Variants in CSMD1 observed in about 807,000 individuals in gnomAD.
CSMD1 encodes the protein CUB and sushi domain-containing protein 1.
A neutral mutation model predicts 417.5 loss-of-function variants in CSMD1; 213 were observed. That is an observed-to-expected ratio of 0.51 (90% CI 0.46 to 0.57). The LOEUF (loss-of-function observed/expected upper bound fraction) is 0.57, where lower values mean the gene tolerates loss of function less well. Ranked by LOEUF, CSMD1 falls within the 20% of genes least tolerant of loss-of-function variation. CSMD1 has a pLI of 0.00. For missense variants in CSMD1, 6,923 were observed against 4,529.7 expected, an observed-to-expected ratio of 1.53 and a Z score of -15.17; for synonymous variants, 2,862 against 1,736.8, an observed-to-expected ratio of 1.65 and a Z score of -16.11.
At chr8:3,119,190 A>T (rs955077729) in intron 41 of CSMD1, among the ~76,000 whole-genome samples, 5 of 152,036 alleles carry the variant, frequency 3.3e-5, no homozygotes, top group Non-Finnish European at 7.4e-5. Flanking sequence ...CCGCCCCAAA[A>T]AAAAGGAAAT....
intron 54 of CSMD1, among the ~76,000 whole-genome samples, chr8:2,982,552 T>A (rs2128940550): frequency 6.6e-6 from 1 of 152,266 alleles, no homozygotes; most frequent in African/African-American, 2.4e-5. Flanking sequence ...GGTGAATTAT[T>A]TGAGCAGTTT....
chr8:3,264,986 A>T (rs1294072231), intron 26 of CSMD1, among the ~76,000 whole-genome samples: 6 of 152,126 alleles, frequency 3.9e-5, no homozygotes, highest in Non-Finnish European at 8.8e-5. Context: ...CAGGGTCTGC[A>T]CCCCAGCTGT....
At chr8:4,497,813 G>A (rs1463126424) in intron 2 of CSMD1, among the ~76,000 whole-genome samples, 4 of 152,238 alleles carry the variant, frequency 2.6e-5, no homozygotes, top group Non-Finnish European at 5.9e-5. Context: ...AGCAAGCACA[G>A]CTGTCCAGAA....
chr8:3,654,913 G>T (rs897677676), intron 7 of CSMD1, among the ~76,000 whole-genome samples: 1 of 152,174 alleles, frequency 6.6e-6, no homozygotes, highest in South Asian at 2.1e-4. Context: ...CCACACAGTT[G>T]AGCCAGGGAG....
intron 3 of CSMD1, among the ~76,000 whole-genome samples, chr8:4,266,692 TTA>T (rs1370298894): frequency 9.5e-6 from 1 of 104,954 alleles, no homozygotes; most frequent in African/African-American, 2.6e-5. Context: ...TATCAAAGAA[TTA>T]TACTTAGTTT....
intron 23 of CSMD1, among the ~76,000 whole-genome samples, chr8:3,332,932 G>A (rs960253282): frequency 3.3e-5 from 5 of 152,192 alleles, no homozygotes; most frequent in Admixed American, 6.5e-5. Flanking sequence ...CTGTTCTGTC[G>A]ATGCTGAGTT....
chr8:4,650,722 A>G (rs1156861396), intron 1 of CSMD1, among the ~76,000 whole-genome samples: 1 of 151,060 alleles, frequency 6.6e-6, no homozygotes, highest in African/African-American at 2.4e-5. Flanking sequence ...ATTTCTAATT[A>G]GAGATTTGAG....
At chr8:4,151,931 T>A (rs1459649356) in intron 3 of CSMD1, among the ~76,000 whole-genome samples, 2 of 152,196 alleles carry the variant, frequency 1.3e-5, no homozygotes, top group East Asian at 3.9e-4. Context: ...GAGATAAGTT[T>A]TGCCTGCATA....
At chr8:3,894,536 G>T in intron 5 of CSMD1, among the ~76,000 whole-genome samples, 1 of 152,094 alleles carries the variant, frequency 6.6e-6, no homozygotes, top group East Asian at 1.9e-4. Context: ...TCCTATGATA[G>T]ATTCCTCAAA....
At chr8:3,261,763 C>T (rs1801075737) in intron 26 of CSMD1, among the ~76,000 whole-genome samples, 1 of 152,064 alleles carries the variant, frequency 6.6e-6, no homozygotes, top group Non-Finnish European at 1.5e-5. Context: ...CGACACACTG[C>T]CTGATTCCCT....
intron 2 of CSMD1, among the ~76,000 whole-genome samples, chr8:4,492,799 T>C (rs1801772009): frequency 6.6e-6 from 1 of 152,222 alleles, no homozygotes; most frequent in Non-Finnish European, 1.5e-5. Context: ...TTGATCCTTA[T>C]TCAGAGCACA....
intron 1 of CSMD1, among the ~76,000 whole-genome samples, chr8:4,843,345 C>G (rs1359115019): frequency 2.0e-5 from 3 of 152,130 alleles, no homozygotes. Context: ...AACTTAGTAT[C>G]TTATTAAAAT....
At chr8:3,771,179 G>A (rs1222610448) in intron 5 of CSMD1, among the ~76,000 whole-genome samples, 2 of 151,814 alleles carry the variant, frequency 1.3e-5, no homozygotes, top group Non-Finnish European at 2.9e-5. Flanking sequence ...GGTGCACTTT[G>A]GGGAAAAACG....
At chr8:4,139,484 G>C (rs1803645897) in intron 3 of CSMD1, among the ~76,000 whole-genome samples, 1 of 151,384 alleles carries the variant, frequency 6.6e-6, no homozygotes, top group African/African-American at 2.5e-5. Context: ...TGAGGAAGGT[G>C]GCGTGGATGA....
chr8:3,208,562 G>C (rs1797434203), intron 30 of CSMD1, among the ~76,000 whole-genome samples: 1 of 152,144 alleles, frequency 6.6e-6, no homozygotes, highest in Non-Finnish European at 1.5e-5. Flanking sequence ...ACCACGCCCG[G>C]CCATATGTTT....
chr8:4,920,946 GA>G lies in CSMD1; in HGVS notation c.85+73385del, dbSNP rs869295785. ...GAAAAGAAAGAGAGAAAGAAAGAAA[GA>G]AAGAAAGAAAGAAAGAAAGAAAGAA... On this transcript the variant is annotated intron_variant, in intron 1 of 69. Coordinates refer to ENST00000635120, the MANE Select transcript of CSMD1 (RefSeq NM_033225.6). Among the ~76,000 whole-genome samples the G allele has an allele frequency of 5.3e-4, 2 of 3,806 alleles. 1 individual carries two copies. Among genetic ancestry groups the G allele is most frequent in the Admixed American group, 0.013 (2 of 152 alleles). 2.5% of individuals were successfully genotyped at this position (3,806 alleles called of 152,430 possible). A position where few individuals can be genotyped will look rare whatever the true frequency, so the allele number is the denominator to read the frequency against.
intron 4 of CSMD1, among the ~76,000 whole-genome samples, chr8:4,009,852 G>C (rs1177469040): frequency 6.6e-6 from 1 of 151,932 alleles, no homozygotes; most frequent in African/African-American, 2.4e-5. Flanking sequence ...TCATGCCTGA[G>C]GCCATTAAGA....
chr8:4,443,896 A>G (rs145001937), intron 2 of CSMD1, among the ~76,000 whole-genome samples: 2 of 152,212 alleles, frequency 1.3e-5, no homozygotes, highest in African/African-American at 4.8e-5. Flanking sequence ...TCATTTCATC[A>G]CATCTACAGG....
chr8:3,118,031 T>C (rs187011196), intron 42 of CSMD1, among the ~76,000 whole-genome samples: 2 of 152,348 alleles, frequency 1.3e-5, no homozygotes, highest in Non-Finnish European at 2.9e-5. Flanking sequence ...AGTACCCTTT[T>C]TCCCTCTGGT....
Sources: gnomAD v4.1 joint callset for allele counts (sites outside exome capture counted in the v4.1 genomes callset) on GRCh38, gnomAD v4.1.1 for gene constraint, MANE v1.5 for transcripts, NCBI Gene and HGNC (gene_info 2026-07-23, HGNC 2026-07-21) for gene names.